FOXP1: variants seen among roughly 807,000 people sequenced by gnomAD.
FOXP1 encodes the protein forkhead box P1.
In FOXP1, 15 loss-of-function variants were observed where a neutral mutation model predicts 98.2. That is an observed-to-expected ratio of 0.15 (90% CI 0.10 to 0.24). FOXP1 has a LOEUF of 0.24. FOXP1 is among the 10% of genes least tolerant of loss of function. FOXP1 has a pLI of 1.00. For synonymous variants in FOXP1, 371 were observed against 314.5 expected, an observed-to-expected ratio of 1.18 and a Z score of -1.90; for missense variants, 633 against 848.5, an observed-to-expected ratio of 0.75 and a Z score of 3.15.
chr3:71,208,478 C>T (rs1381864162), intron 5 of FOXP1, among the ~76,000 whole-genome samples: 1 of 151,862 alleles, frequency 6.6e-6, no homozygotes, highest in Non-Finnish European at 1.5e-5. Context: ...CTGTTTCAAC[C>T]ACATTCCAGG....
chr3:71,369,546 C>A (rs2079151061), intron 3 of FOXP1, among the ~76,000 whole-genome samples: 1 of 152,164 alleles, frequency 6.6e-6, no homozygotes, highest in Non-Finnish European at 1.5e-5. Flanking sequence ...AGGCATGCAC[C>A]ACCATGCCCA....
intron 7 of FOXP1, among the ~76,000 whole-genome samples, chr3:71,088,433 C>T (rs1169071245): frequency 6.7e-5 from 10 of 149,744 alleles, no homozygotes; most frequent in South Asian, 2.1e-4. Flanking sequence ...GTTTAATGTC[C>T]CATAAGAATG....
intron 5 of FOXP1, among the ~76,000 whole-genome samples, chr3:71,264,964 A>G (rs564743016): frequency 3.6e-4 from 55 of 152,332 alleles, no homozygotes; most frequent in Middle Eastern, 3.4e-3. Context: ...ACAAGATCAC[A>G]TAGCGAGAAA....
chr3:71,137,617 G>A (rs1365251370), intron 6 of FOXP1, among the ~76,000 whole-genome samples: 1 of 152,048 alleles, frequency 6.6e-6, no homozygotes, highest in Non-Finnish European at 1.5e-5. Flanking sequence ...AGCTTTCAAA[G>A]CTCATGCAGC....
At chr3:71,036,664 G>T (rs960300613) in intron 11 of FOXP1, among the ~76,000 whole-genome samples, 3 of 152,120 alleles carry the variant, frequency 2.0e-5, no homozygotes, top group Non-Finnish European at 4.4e-5. Flanking sequence ...CGTTATTTTG[G>T]ATCTGCCTGT....
At chr3:71,409,117 T>C (rs1202447545) in intron 3 of FOXP1, among the ~76,000 whole-genome samples, 1 of 152,224 alleles carries the variant, frequency 6.6e-6, no homozygotes, top group Non-Finnish European at 1.5e-5. Context: ...GCTGTTCTCA[T>C]TCAGGAATGG....
rs532742112 is a variant in FOXP1, at chr3:71,404,364, TGATCCGCCCACCTCAGTC to T, written c.-167-45138_-167-45121del. 3.7e-3 allele frequency among the ~76,000 whole-genome samples: 560 copies of T among 152,102 alleles called. 2 individuals carry two copies. The highest frequency in any genetic ancestry group is 0.013 in the African/African-American group (544 of 41,482). ...CTGGTCTCGAACTCCCCACCTCAGT[TGATCCGCCCACCTCAGTC>T]TCCCAAAGTGCTGGGATTACAGGCA... On this transcript the variant is annotated intron_variant, in intron 3 of 20. Coordinates refer to ENST00000649528, the MANE Select transcript of FOXP1 (RefSeq NM_001349338.3).
chr3:71,149,069 T>C (rs577406288), intron 6 of FOXP1, among the ~76,000 whole-genome samples: 1 of 152,196 alleles, frequency 6.6e-6, no homozygotes, highest in Non-Finnish European at 1.5e-5. Context: ...TCTTCTGCAA[T>C]TATTAGGCCA....
chr3:71,057,291 CTTTTTTTTTT>C (rs10670020), intron 7 of FOXP1, among the ~76,000 whole-genome samples: 17 of 7,488 alleles, frequency 2.3e-3, no homozygotes, highest in East Asian at 0.022. Context: ...AAAAACGAAA[CTTTTTTTTTT>C]TTTTTTTTTT....
intron 6 of FOXP1, among the ~76,000 whole-genome samples, chr3:71,186,025 A>G (rs139303949): frequency 1.6e-4 from 24 of 152,354 alleles, no homozygotes; most frequent in African/African-American, 5.8e-4. Flanking sequence ...TAAAAATTGT[A>G]AGAACTTTTC....
At chr3:71,079,222 T>C (rs1396625443) in intron 7 of FOXP1, among the ~76,000 whole-genome samples, 1 of 152,102 alleles carries the variant, frequency 6.6e-6, no homozygotes, top group Non-Finnish European at 1.5e-5. Context: ...CTCCTCATTA[T>C]TCTATTAATA....
rs1163325733 is a variant in FOXP1, at chr3:70,956,046, ATACAG to A, written c.*3196_*3200del. 1 of 233,266 alleles carries A rather than the reference ATACAG, an allele frequency of 4.3e-6. No homozygotes were observed. Among genetic ancestry groups the A allele is most frequent in the African/African-American group, 2.2e-5 (1 of 45,454 alleles). The allele number at this position is 233,266 out of a possible 1,614,324, so 14.4% of individuals were successfully genotyped here. ...GCAGCATATTCTGCAATTCCGTTACATACAGTAGTTTTTTTTCCAAAGCTATTTTT... is the reference window on the plus strand; with the variant it reads ...GCAGCATATTCTGCAATTCCGTTACATAGTTTTTTTTCCAAAGCTATTTTT... On this transcript the variant is annotated 3_prime_UTR_variant, in exon 21 of 21. Coordinates refer to ENST00000649528, the MANE Select transcript of FOXP1 (RefSeq NM_001349338.3).
Position 71,308,771 on chromosome 3 carries a change from G to A in FOXP1, c.-72-8891C>T, listed in dbSNP as rs557197181. 9.4e-3 allele frequency among the ~76,000 whole-genome samples: 1,304 copies of A among 138,744 alleles called. 19 individuals carry two copies. Among genetic ancestry groups the A allele is most frequent in the African/African-American group, 0.032 (1,247 of 39,450 alleles). 91.0% of individuals were successfully genotyped at this position (138,744 alleles called of 152,430 possible). On this transcript the variant is annotated intron_variant, in intron 4 of 20. Transcript: ENST00000649528. ...ACAATGTGTGTGTGTGTGTGTGTGT[G>A]TGTGTGTGTGTGTGTGTGTGTGTGT...
At chr3:71,471,007 G>A (rs1178454305) in intron 3 of FOXP1, among the ~76,000 whole-genome samples, 1 of 152,210 alleles carries the variant, frequency 6.6e-6, no homozygotes, top group Non-Finnish European at 1.5e-5. Context: ...GCAAGGGTAA[G>A]TGGGATAATC....
At chr3:71,374,845 T>C (rs953394249) in intron 3 of FOXP1, among the ~76,000 whole-genome samples, 3 of 152,180 alleles carry the variant, frequency 2.0e-5, no homozygotes, top group African/African-American at 4.8e-5. Context: ...TCTGAACAGA[T>C]AGGCAATGGT....
intron 5 of FOXP1, among the ~76,000 whole-genome samples, chr3:71,198,710 T>C (rs994733717): frequency 6.6e-6 from 1 of 151,992 alleles, no homozygotes; most frequent in Non-Finnish European, 1.5e-5. Flanking sequence ...TTTTTTTTTT[T>C]GAGATGGAGC....
At chr3:71,306,978 T>G (rs571415151) in intron 4 of FOXP1, among the ~76,000 whole-genome samples, 2 of 152,322 alleles carry the variant, frequency 1.3e-5, no homozygotes, top group South Asian at 4.1e-4. Context: ...ACTACTGACT[T>G]TTCTCAGCTT....
At chr3:71,252,380 G>A (rs1361835703) in intron 5 of FOXP1, among the ~76,000 whole-genome samples, 2 of 152,182 alleles carry the variant, frequency 1.3e-5, no homozygotes, top group South Asian at 2.1e-4. Flanking sequence ...GTGGAGTAGT[G>A]AGGTGTTCCA....
At chr3:71,358,884 T>C (rs2078358570) in intron 4 of FOXP1, among the ~76,000 whole-genome samples, 5 of 152,188 alleles carry the variant, frequency 3.3e-5, no homozygotes. Context: ...CAATATTTCC[T>C]ATCTGGCCCC....
Sources: allele counts gnomAD v4.1 joint callset (sites outside exome capture counted in the v4.1 genomes callset), GRCh38; gene constraint gnomAD v4.1.1; transcripts MANE v1.5; gene names NCBI Gene and HGNC (gene_info 2026-07-23, HGNC 2026-07-21).